The following NCOA2 variants were observed in gnomAD, a reference collection of about 807,000 sequenced individuals.
The protein encoded by NCOA2 is class E basic helix-loop-helix protein 75.
NCOA2 carries 21 observed loss-of-function variants against 145.1 expected under a neutral mutation model. The observed-to-expected ratio is 0.14, with a 90% CI of 0.10 to 0.21. The LOEUF (loss-of-function observed/expected upper bound fraction) is 0.21, where lower values mean the gene tolerates loss of function less well. Ranked by LOEUF, NCOA2 falls within the 10% of genes least tolerant of loss-of-function variation. NCOA2 has a pLI of 1.00. For synonymous variants in NCOA2, 619 were observed against 637.5 expected (o/e 0.97, Z 0.44); for missense variants, 1,472 against 1,837.6 (o/e 0.80, Z 3.64).
chr8:70,324,958 C>T (rs1019236596), intron 1 of NCOA2, among the ~76,000 whole-genome samples: 2 of 152,132 alleles, frequency 1.3e-5, no homozygotes, highest in African/African-American at 2.4e-5. Flanking sequence ...TATCTCTACC[C>T]CCATGAAGTA....
intron 4 of NCOA2, among the ~76,000 whole-genome samples, chr8:70,195,426 C>T (rs918539729): frequency 6.6e-6 from 1 of 152,174 alleles, no homozygotes; most frequent in African/African-American, 2.4e-5. Flanking sequence ...AGAAGTGCTT[C>T]CTGATTGAAA....
At chr8:70,127,119 T>C in intron 18 of NCOA2, 72 bp from the exon 19 acceptor site, 1 of 1,059,306 alleles carries the variant, frequency 9.4e-7, no homozygotes, top group South Asian at 1.4e-5. Flanking sequence ...GTGAGTATTA[T>C]AGAGAGGCTA....
chr8:70,284,031 A>G (rs1286938977), intron 2 of NCOA2, among the ~76,000 whole-genome samples: 1 of 152,186 alleles, frequency 6.6e-6, no homozygotes. Context: ...ATTCCCCTCC[A>G]TGTTAGAAAC....
upstream of NCOA2, among the ~76,000 whole-genome samples, chr8:70,404,064 G>T (rs908842933): frequency 2.0e-5 from 3 of 152,184 alleles, no homozygotes; most frequent in African/African-American, 4.8e-5. Flanking sequence ...GTGGACGCAG[G>T]GTTGTCCGGG....
At chr8:70,240,614 G>A (rs979080327) in intron 2 of NCOA2, among the ~76,000 whole-genome samples, 31 of 152,194 alleles carry the variant, frequency 2.0e-4, no homozygotes, top group African/African-American at 7.5e-4. Context: ...TGTGCCTTAT[G>A]AGAAAATATG....
At chr8:70,313,081 G>C (rs1025648241) in intron 1 of NCOA2, among the ~76,000 whole-genome samples, 2 of 152,102 alleles carry the variant, frequency 1.3e-5, no homozygotes, top group African/African-American at 4.8e-5. Flanking sequence ...AACATTTACA[G>C]GTAAAGGGGA....
intron 1 of NCOA2, among the ~76,000 whole-genome samples, chr8:70,390,894 T>C (rs550684328): frequency 6.6e-6 from 1 of 152,348 alleles, no homozygotes; most frequent in Admixed American, 6.5e-5. Flanking sequence ...CTCTCTCTGG[T>C]GTCTACTACA....
At chr8:70,292,114 TTCAGAAA>T (rs1187844516) in intron 2 of NCOA2, among the ~76,000 whole-genome samples, 3 of 151,554 alleles carry the variant, frequency 2.0e-5, no homozygotes, top group African/African-American at 7.3e-5. Context: ...AGACATATAA[TTCAGAAA>T]TCAGTGCCCT....
intron 1 of NCOA2, among the ~76,000 whole-genome samples, chr8:70,319,268 A>T (rs1805855948): frequency 6.6e-6 from 1 of 152,192 alleles, no homozygotes. Context: ...TAGGCCAGGC[A>T]TGGTGGCTAA....
chr8:70,356,585 T>A (rs967083025), intron 1 of NCOA2, among the ~76,000 whole-genome samples: 2 of 152,322 alleles, frequency 1.3e-5, no homozygotes, highest in East Asian at 3.9e-4. Context: ...TAAATAAATA[T>A]CCTTTTTCCT....
At chr8:70,129,589 T>G (rs1439620783) in intron 16 of NCOA2, among the ~76,000 whole-genome samples, 5 of 152,174 alleles carry the variant, frequency 3.3e-5, no homozygotes, top group Non-Finnish European at 7.4e-5. Context: ...CTGCTTTCTG[T>G]GGCTGTCAGG....
chr8:70,296,223 A>G (rs1827082209), intron 2 of NCOA2, among the ~76,000 whole-genome samples: 1 of 152,178 alleles, frequency 6.6e-6, no homozygotes, highest in African/African-American at 2.4e-5. Context: ...ATAAAAATCA[A>G]TTTCAGCTGT....
At position 70,200,338 on chromosome 8, in the gene NCOA2, T is replaced by C. The variant is rs554059149; in HGVS notation, c.259+13565A>G. On this transcript the variant is annotated intron_variant, in intron 4 of 22. Coordinates refer to ENST00000452400, the MANE Select transcript of NCOA2 (RefSeq NM_006540.4). ...TGGAGTTCAATATTATGGGTCCTGG[T>C]TTATCTATTCATTTCTAGCTGAAAG... Among the ~76,000 whole-genome samples the C allele has an allele frequency of 1.1e-3, 175 of 152,204 alleles. 2 individuals carry two copies. Among genetic ancestry groups the C allele is most frequent in the Non-Finnish European group, 1.3e-3 (89 of 67,994 alleles).
the NCOA2 span, among the ~76,000 whole-genome samples, chr8:70,448,474 A>T: frequency 6.6e-6 from 1 of 152,152 alleles, no homozygotes; most frequent in Non-Finnish European, 1.5e-5. Flanking sequence ...AGTGTACTAT[A>T]CCCTAGGGCT....
At chr8:70,413,097 C>CA in the NCOA2 span, among the ~76,000 whole-genome samples, 1,517 of 58,534 alleles carry the variant, frequency 0.026, 17 homozygotes, top group South Asian at 0.067. Context: ...GACTCCGTCT[C>CA]AAAAAAAAAA....
intron 18 of NCOA2, among the ~76,000 whole-genome samples, chr8:70,128,146 T>C (rs746206057): frequency 6.6e-6 from 1 of 152,250 alleles, no homozygotes; most frequent in Non-Finnish European, 1.5e-5. Context: ...AACCCAACCC[T>C]GTATTCCTCC....
At chr8:70,116,440 A>G (rs1282259636) in intron 22 of NCOA2, among the ~76,000 whole-genome samples, 2 of 152,028 alleles carry the variant, frequency 1.3e-5, no homozygotes, top group Non-Finnish European at 2.9e-5. Flanking sequence ...TAATCCAGCT[A>G]CTTGGGAAGT....
intron 1 of NCOA2, among the ~76,000 whole-genome samples, chr8:70,306,412 G>A (rs1203127082): frequency 6.6e-6 from 1 of 152,192 alleles, no homozygotes; most frequent in Admixed American, 6.5e-5. Flanking sequence ...ATGAAAAGGT[G>A]TGAAAGGGCC....
At chr8:70,185,617 G>A (rs1815983847) in intron 4 of NCOA2, among the ~76,000 whole-genome samples, 1 of 152,162 alleles carries the variant, frequency 6.6e-6, no homozygotes, top group Admixed American at 6.5e-5. Flanking sequence ...GGGGCACGTG[G>A]TGGGGTGGCG....
Sources: allele counts gnomAD v4.1 joint callset (sites outside exome capture counted in the v4.1 genomes callset), GRCh38; gene constraint gnomAD v4.1.1; transcripts MANE v1.5; gene names NCBI Gene and HGNC (gene_info 2026-07-23, HGNC 2026-07-21).